Variants in PPP1R1C observed in about 807,000 individuals in gnomAD.
PPP1R1C encodes protein phosphatase 1 regulatory inhibitor subunit 1C, also known as protein phosphatase 1 regulatory subunit 1C.
PPP1R1C carries 15 observed loss-of-function variants against 17.4 expected under a neutral mutation model. That is an observed-to-expected ratio of 0.86 (90% CI 0.58 to 1.33). The LOEUF (loss-of-function observed/expected upper bound fraction) is 1.33, where lower values mean the gene tolerates loss of function less well. Ranked by LOEUF, PPP1R1C falls within the 40% of genes most tolerant of loss-of-function variation. The pLI is 0.00. For missense variants in PPP1R1C, 143 were observed against 130.0 expected, an observed-to-expected ratio of 1.10 and a Z score of -0.48; for synonymous variants, 35 against 43.1, an observed-to-expected ratio of 0.81 and a Z score of 0.73.
exon 6 of PPP1R1C, chr2:182,129,138 A>T (rs188336451): frequency 6.6e-6 from 1 of 152,280 alleles, no homozygotes; most frequent in East Asian, 1.9e-4. Flanking sequence ...TATTTTATAC[A>T]TAAGTATTGA....
chr2:181,962,458 G>A lies in PPP1R1C; in HGVS notation n.111+7824G>A, dbSNP rs557953178. 77 of 702,300 alleles carry A rather than the reference G, an allele frequency of 1.1e-4. 1 individual carries two copies. Among genetic ancestry groups the A allele is most frequent in the South Asian group, 9.9e-4 (70 of 70,802 alleles). 43.5% of individuals were successfully genotyped at this position (702,300 alleles called of 1,614,324 possible). On this transcript the variant is annotated intron_variant and non_coding_transcript_variant, in intron 1 of 5. Coordinates refer to the PPP1R1C transcript ENST00000464264. The surrounding 1 kb of genome is among the most constrained non-coding windows in gnomAD (Gnocchi z 6.0). ...GGAACAGGTAGTTGGTGGAGAAGAT[G>A]GAGCGAGTGGTGAAGCTCATGCTAT... is the stretch of plus-strand genomic sequence containing the variant.
chr2:181,982,683 G>A (rs1474862716), upstream of PPP1R1C, among the ~76,000 whole-genome samples: 2 of 152,164 alleles, frequency 1.3e-5, no homozygotes, highest in Non-Finnish European at 2.9e-5. Context: ...GAGGCAGGAT[G>A]GCTTCCAGGG....
In PPP1R1C at chr2:181,987,899, G is replaced by A; in HGVS notation, c.142G>A (p.Glu48Lys). 6.2e-7 allele frequency: 1 copy of A among 1,611,116 alleles called. No homozygotes were observed. Among genetic ancestry groups the A allele is most frequent in the African/African-American group, 1.3e-5 (1 of 74,900 alleles). The change falls in exon 2 of 5, where the codon GAA (glutamate) becomes AAA (lysine). Residue 48 changes from glutamate (E) to lysine (K), a missense_variant and splice_region_variant. Coordinates refer to ENST00000682840, the MANE Select transcript of PPP1R1C (RefSeq NM_001080545.3). ...LVILNEHNPPEIDDKRGPNTQ... is the reference protein window; with the variant it reads ...LVILNEHNPPKIDDKRGPNTQ... Reference sequence around the variant, plus strand: ...GATTCTCAATGAGCATAACCCCCCAGGTAAAGAAGCATGATGTGTTTCACA... The same window carrying A: ...GATTCTCAATGAGCATAACCCCCCAAGTAAAGAAGCATGATGTGTTTCACA...
At chr2:182,074,432 C>G (rs895457391) in intron 4 of PPP1R1C, among the ~76,000 whole-genome samples, 2 of 152,084 alleles carry the variant, frequency 1.3e-5, no homozygotes, top group Non-Finnish European at 2.9e-5. Flanking sequence ...CTGTTAGCAC[C>G]AATCTTTCTT....
chr2:181,971,672 C>T (rs1011501073), intron 1 of PPP1R1C, among the ~76,000 whole-genome samples: 1 of 152,170 alleles, frequency 6.6e-6, no homozygotes, highest in African/African-American at 2.4e-5. Flanking sequence ...CATAGATTGC[C>T]TTTCAGGTTT....
chr2:182,110,295 T>C (rs1165035953), intron 4 of PPP1R1C, among the ~76,000 whole-genome samples: 1 of 152,118 alleles, frequency 6.6e-6, no homozygotes, highest in Non-Finnish European at 1.5e-5. Context: ...AAATAATACA[T>C]TGTTATATGT....
intron 4 of PPP1R1C, among the ~76,000 whole-genome samples, chr2:182,067,487 C>A (rs567949350): frequency 1.3e-5 from 2 of 152,140 alleles, no homozygotes; most frequent in South Asian, 2.1e-4. Context: ...AAGAATAAGA[C>A]GTACTTCAGA....
intron 4 of PPP1R1C, among the ~76,000 whole-genome samples, chr2:182,078,257 T>C (rs376221503): frequency 1.3e-5 from 2 of 152,202 alleles, no homozygotes; most frequent in African/African-American, 2.4e-5. Context: ...CTTATTTTTA[T>C]GATTATTAAA....
At chr2:182,027,771 G>A (rs1301113171) in intron 2 of PPP1R1C, among the ~76,000 whole-genome samples, 3 of 150,920 alleles carry the variant, frequency 2.0e-5, no homozygotes, top group Non-Finnish European at 2.9e-5. Flanking sequence ...CATTGGAATA[G>A]TTTCAGAAGG....
At chr2:181,954,524 A>G (rs760315854) in exon 1 of PPP1R1C, 23 of 152,350 alleles carry the variant, frequency 1.5e-4, no homozygotes, top group Non-Finnish European at 3.4e-4. Context: ...GCCTAAGGAC[A>G]CAGTGAAAAA....
intron 1 of PPP1R1C, among the ~76,000 whole-genome samples, chr2:181,955,031 T>C (rs1334418564): frequency 6.6e-6 from 1 of 152,222 alleles, no homozygotes; most frequent in Non-Finnish European, 1.5e-5. Flanking sequence ...GTCAGCTTTA[T>C]AAGCTCTTTG....
In PPP1R1C at chr2:182,063,757, G is replaced by C. The variant is rs1687910530; in HGVS notation, c.207G>C (p.Arg69Ser). The C allele has an allele frequency of 1.9e-6, 3 of 1,612,768 alleles. No individual in the cohort carries two copies. Among genetic ancestry groups the C allele is most frequent in the Non-Finnish European group, 2.5e-6 (3 of 1,179,132 alleles). ...GELQNASPKQ[R>S]KQSVYTPPTI... is the part of the protein sequence containing the mutation. ...TACAGAATGCATCCCCTAAGCAAAG[G>C]AAGCAGAGTGTGTACACACCACCCA... Residue 69 changes from arginine to serine, a missense_variant, in exon 4 of 5, where the codon AGG becomes AGC. Arg to Ser is a moderately radical substitution (Grantham distance 110). Transcript: ENST00000682840.
At chr2:182,118,638 A>G (rs933783235), downstream of PPP1R1C, among the ~76,000 whole-genome samples, 17 of 117,402 alleles carry the variant, frequency 1.4e-4, no homozygotes, top group African/African-American at 5.4e-4. Context: ...GTAGAAGTTA[A>G]GAGAGTTTTA....
At chr2:182,004,581 G>T (rs1335182345) in intron 2 of PPP1R1C, among the ~76,000 whole-genome samples, 1 of 152,214 alleles carries the variant, frequency 6.6e-6, no homozygotes, top group Non-Finnish European at 1.5e-5. Context: ...GAGATTCAAT[G>T]CTATGAATGG....
intron 2 of PPP1R1C, among the ~76,000 whole-genome samples, chr2:182,049,897 GT>G: frequency 6.6e-6 from 1 of 152,292 alleles, no homozygotes; most frequent in South Asian, 2.1e-4. Context: ...CAAATTGCAT[GT>G]TTTAATTCCC....
chr2:182,028,997 G>C (rs1686717567), intron 2 of PPP1R1C, among the ~76,000 whole-genome samples: 1 of 138,444 alleles, frequency 7.2e-6, no homozygotes, highest in Admixed American at 7.3e-5. Flanking sequence ...GATCTTTGTT[G>C]GTTTAAAGTC....
chr2:182,123,367 C>T (rs2125241512), intron 5 of PPP1R1C, among the ~76,000 whole-genome samples: 1 of 152,278 alleles, frequency 6.6e-6, no homozygotes, highest in Non-Finnish European at 1.5e-5. Context: ...GGTATGTACC[C>T]AGAAATGGAA....
chr2:181,990,258 C>A (rs1389265261), intron 2 of PPP1R1C, among the ~76,000 whole-genome samples: 1 of 152,182 alleles, frequency 6.6e-6, no homozygotes, highest in African/African-American at 2.4e-5. Flanking sequence ...CCTGCCTCAG[C>A]CTCCCGAGCA....
At chr2:182,130,882 C>T (rs1292127390), downstream of PPP1R1C, 1 of 152,124 alleles carries the variant, frequency 6.6e-6, no homozygotes, top group Admixed American at 6.6e-5. Flanking sequence ...AATTCTAAGA[C>T]AGGAATGATA....
Sources: allele counts gnomAD v4.1 joint callset (sites outside exome capture counted in the v4.1 genomes callset), GRCh38; gene constraint gnomAD v4.1.1; non-coding constraint Gnocchi (gnomAD v3.1); transcripts MANE v1.5; gene names NCBI Gene and HGNC (gene_info 2026-07-23, HGNC 2026-07-21).